Variants in MATCAP1 observed in about 807,000 individuals in gnomAD.
The protein encoded by MATCAP1 is microtubule associated tyrosine carboxypeptidase 1.
At chr16:67,177,571 T>A in the MATCAP1 span, among the ~76,000 whole-genome samples, 1 of 152,158 alleles carries the variant, frequency 6.6e-6, no homozygotes, top group South Asian at 2.1e-4. Context: ...TAGTCCTCTC[T>A]CCAATCCACC....
the MATCAP1 span, chr16:67,180,253 G>A: frequency 6.2e-7 from 1 of 1,613,402 alleles, no homozygotes; most frequent in South Asian, 1.1e-5. Flanking sequence ...GCAATGTGAG[G>A]CAGGGAGGCT....
chr16:67,176,761 C>T, the MATCAP1 span: 1 of 1,477,958 alleles, frequency 6.8e-7, no homozygotes, highest in Non-Finnish European at 9.0e-7. This position sits in a 1 kb window ranked among gnomAD's most constrained non-coding sequence, Gnocchi z 4.3. Context: ...GTTCTAGGGG[C>T]CTATCTGGAG....
At chr16:67,183,426 C>T in the MATCAP1 span, 2 of 152,246 alleles carry the variant, frequency 1.3e-5, no homozygotes, top group South Asian at 2.1e-4. Flanking sequence ...TGTCCCACTG[C>T]TTCGGCGACT....
chr16:67,178,586 C>T, the MATCAP1 span: 1 of 1,252,010 alleles, frequency 8.0e-7, no homozygotes, highest in Non-Finnish European at 1.1e-6. Flanking sequence ...CCTGTTCCAT[C>T]TGGCCGGGGC....
the MATCAP1 span, chr16:67,180,681 G>T: frequency 3.4e-6 from 4 of 1,192,936 alleles, no homozygotes; most frequent in Admixed American, 2.7e-5. Context: ...GGACACAGAA[G>T]GGCATGTGGA....
the MATCAP1 span, among the ~76,000 whole-genome samples, chr16:67,177,595 C>G: frequency 6.6e-6 from 1 of 152,174 alleles, no homozygotes; most frequent in African/African-American, 2.4e-5. Context: ...CATATGATGT[C>G]CAGAAGGAGC....
the MATCAP1 span, chr16:67,177,903 C>T: frequency 6.2e-6 from 6 of 966,876 alleles, no homozygotes. Context: ...CCCCTACCAC[C>T]ACAGGCCTGA....
chr16:67,179,282 G>C, the MATCAP1 span: 10 of 1,489,618 alleles, frequency 6.7e-6, no homozygotes, highest in African/African-American at 7.0e-5. The surrounding 1 kb of genome is among the most constrained non-coding windows in gnomAD (Gnocchi z 5.2). Flanking sequence ...GAGGGCGGGA[G>C]GTGGCTGCTC....
At chr16:67,178,425 C>T in the MATCAP1 span, 1 of 1,540,044 alleles carries the variant, frequency 6.5e-7, no homozygotes, top group Non-Finnish European at 8.7e-7. Context: ...GGTTCGCCGG[C>T]CGCAGCCCGT....
chr16:67,178,131 G>GC, the MATCAP1 span: 2 of 1,478,984 alleles, frequency 1.4e-6, no homozygotes, highest in Non-Finnish European at 1.8e-6. Flanking sequence ...AGGGCGGTGA[G>GC]CCCCGCCCCT....
the MATCAP1 span, chr16:67,176,860 G>T: frequency 1.2e-6 from 2 of 1,610,362 alleles, no homozygotes; most frequent in South Asian, 2.2e-5. The surrounding 1 kb of genome is among the most constrained non-coding windows in gnomAD (Gnocchi z 4.3). Context: ...CCGGTTGGTG[G>T]CCATGATGTG....
the MATCAP1 span, chr16:67,178,129 G>A: frequency 1.9e-6 from 3 of 1,601,280 alleles, no homozygotes; most frequent in Admixed American, 1.7e-5. Flanking sequence ...GGAGGGCGGT[G>A]AGCCCCGCCC....
the MATCAP1 span, chr16:67,179,799 C>A: frequency 6.2e-7 from 1 of 1,613,816 alleles, no homozygotes; most frequent in East Asian, 2.2e-5. The surrounding 1 kb of genome is among the most constrained non-coding windows in gnomAD (Gnocchi z 5.2). Context: ...AGGAAGGGCT[C>A]TGCAGGCAAG....
At chr16:67,180,190 C>A in the MATCAP1 span, 1 of 1,614,218 alleles carries the variant, frequency 6.2e-7, no homozygotes, top group Non-Finnish European at 8.5e-7. Context: ...CGCAGGGCCA[C>A]CAACATGCAG....
chr16:67,177,008 A>T, the MATCAP1 span: 2 of 1,483,694 alleles, frequency 1.3e-6, no homozygotes, highest in Admixed American at 2.3e-5. Flanking sequence ...AGGCATAGGC[A>T]GTGGCCCCTG....
At chr16:67,179,381 C>G in the MATCAP1 span, 8 of 1,564,228 alleles carry the variant, frequency 5.1e-6, no homozygotes, top group Non-Finnish European at 7.0e-6. The surrounding 1 kb of genome is among the most constrained non-coding windows in gnomAD (Gnocchi z 5.2). Context: ...CTCCCAGCTC[C>G]CAGGCCCCTT....
At chr16:67,178,465 G>A in the MATCAP1 span, 9 of 1,532,842 alleles carry the variant, frequency 5.9e-6, no homozygotes, top group East Asian at 1.5e-4. Context: ...GTTGTGCCAC[G>A]GCTGGCGCGC....
At chr16:67,182,362 C>T in the MATCAP1 span, among the ~76,000 whole-genome samples, 1 of 152,178 alleles carries the variant, frequency 6.6e-6, no homozygotes, top group East Asian at 1.9e-4. Context: ...ATCCCTGTCT[C>T]CCTGACCTCT....
At chr16:67,179,338 AAG>A in the MATCAP1 span, 1 of 1,516,320 alleles carries the variant, frequency 6.6e-7, no homozygotes, top group Non-Finnish European at 8.8e-7. The surrounding 1 kb of genome is among the most constrained non-coding windows in gnomAD (Gnocchi z 5.2). Context: ...GAGAAACAAA[AAG>A]GGGAGTTATT....
Sources: allele counts gnomAD v4.1 joint callset (sites outside exome capture counted in the v4.1 genomes callset), GRCh38; gene constraint gnomAD v4.1.1; non-coding constraint Gnocchi (gnomAD v3.1); transcripts MANE v1.5; gene names NCBI Gene and HGNC (gene_info 2026-07-23, HGNC 2026-07-21).